Variants in LAMA5 observed in about 807,000 individuals in gnomAD.
LAMA5 encodes the protein laminin subunit alpha-5.
In LAMA5, 260 loss-of-function variants were observed where a neutral mutation model predicts 433.4. That is an observed-to-expected ratio of 0.60 (90% CI 0.54 to 0.66). LAMA5 has a LOEUF of 0.66. Among genes scored for constraint, LAMA5 ranks in the 30% least tolerant of loss-of-function variants. The pLI is 0.00. For missense variants in LAMA5, 5,378 were observed against 5,258.5 expected (o/e 1.02, Z -0.70); for synonymous variants, 2,620 against 2,226.6 (o/e 1.18, Z -4.97).
chr20:62,323,329 G>A (rs1978659404), intron 45 of LAMA5, 127 bp downstream of exon 45: 1 of 789,890 alleles, frequency 1.3e-6, no homozygotes, highest in South Asian at 1.9e-5. Flanking sequence ...CCAGAAGGCT[G>A]GCTCCGACTT....
chr20:62,344,568 C>T (rs1448315174), intron 11 of LAMA5, among the ~76,000 whole-genome samples: 2 of 152,010 alleles, frequency 1.3e-5, no homozygotes, highest in Non-Finnish European at 2.9e-5. Flanking sequence ...CCTGCCTCAG[C>T]CCCCCAAGTA....
rs373765958 is a variant in LAMA5 at position 62,351,936 on chromosome 20, C to T, written c.831G>A (p.Ala277=). 64 of 1,610,036 alleles carry T rather than the reference C, an allele frequency of 4.0e-5. No individual in the cohort carries two copies. The highest frequency in any genetic ancestry group is 4.9e-5 in the Non-Finnish European group (58 of 1,178,900). Residue 277 remains alanine (A), a synonymous_variant, in exon 5 of 80, where the codon GCG becomes GCA. Coordinates refer to ENST00000252999, the MANE Select transcript of LAMA5 (RefSeq NM_005560.6). ...NTLLGHLMGK[A]LRDPTVTRRY... is the part of the protein sequence containing the mutation. Reference sequence around the variant, plus strand: ...GGCGGGTGACCGTGGGGTCCCGCAGCGCCTTCCCCATGAGATGGCCCAGCA... The same window carrying T: ...GGCGGGTGACCGTGGGGTCCCGCAGTGCCTTCCCCATGAGATGGCCCAGCA...
intron 9 of LAMA5, 31 bp from the exon 10 acceptor site, chr20:62,346,246 G>C: frequency 1.3e-6 from 2 of 1,597,816 alleles, no homozygotes; most frequent in Non-Finnish European, 1.7e-6. Flanking sequence ...GGTAAGCCTG[G>C]AGCTACCAGG....
chr20:62,347,975 A>G (rs568369209), intron 6 of LAMA5, among the ~76,000 whole-genome samples: 17 of 152,376 alleles, frequency 1.1e-4, no homozygotes, highest in African/African-American at 3.6e-4. Context: ...ACTGCCCGTC[A>G]GCACAGGTGA....
intron 2 of LAMA5, among the ~76,000 whole-genome samples, chr20:62,358,703 C>T (rs968685895): frequency 1.3e-5 from 2 of 152,190 alleles, no homozygotes; most frequent in African/African-American, 4.8e-5. Flanking sequence ...GCCAACCCCA[C>T]AGTCCTCCAG....
At chr20:62,366,343 C>T (rs1029049384) in intron 1 of LAMA5, among the ~76,000 whole-genome samples, 1 of 152,194 alleles carries the variant, frequency 6.6e-6, no homozygotes, top group African/African-American at 2.4e-5. Flanking sequence ...CCCACATCTC[C>T]CAGGGAGACT....
chr20:62,315,243 G>A, intron 58 of LAMA5, 36 bp from the exon 59 acceptor site: 1 of 1,550,908 alleles, frequency 6.4e-7, no homozygotes, highest in Non-Finnish European at 8.7e-7. Context: ...GCAGGGGCCA[G>A]CGGGGACCAT....
In LAMA5 at chr20:62,330,066, C is replaced by T. The variant is rs141827152; in HGVS notation, c.3980-150G>A. The stretch of plus-strand genomic sequence containing the variant: ...GACGTGCCCAAGAGGTCTGCAAGGC[C>T]GGCCCCTCATGTCACGGGGGTTGGC... On this transcript the variant is annotated intron_variant, in intron 31 of 79. Coordinates refer to ENST00000252999, the MANE Select transcript of LAMA5 (RefSeq NM_005560.6). 5.6e-3 allele frequency: 6,542 copies of T among 1,173,814 alleles called. 62 individuals carry two copies. The highest frequency in any genetic ancestry group is 0.03 in the Middle Eastern group (101 of 3,392). The allele number at this position is 1,173,814 out of a possible 1,614,324, so 72.7% of individuals were successfully genotyped here.
chr20:62,315,032 G>A lies in LAMA5; in HGVS notation c.8043C>T (p.His2681=), dbSNP rs1034528715. Residue 2681 remains histidine (H), a synonymous_variant, in exon 59 of 80, where the codon CAC becomes CAT. Coordinates refer to ENST00000252999, the MANE Select transcript of LAMA5 (RefSeq NM_005560.6). ...CCGCGAGGGCCATGGGCGCACCTGAGTGGCCTGCGTCAAGCACTGCCTGGC... is the reference window on the plus strand; with the variant it reads ...CCGCGAGGGCCATGGGCGCACCTGAATGGCCTGCGTCAAGCACTGCCTGGC... ...DLGQAVLDAG[H]SVSTLEKTLP... is the part of the protein sequence containing the mutation. 2 of 1,591,104 alleles carry A rather than the reference G, an allele frequency of 1.3e-6. No individual in the cohort carries two copies. The highest frequency in any genetic ancestry group is 1.7e-6 in the Non-Finnish European group (2 of 1,174,670).
intron 18 of LAMA5, among the ~76,000 whole-genome samples, 200 bp from the exon 19 acceptor site, chr20:62,335,469 A>T (rs1981402308): frequency 7.4e-6 from 1 of 134,394 alleles, no homozygotes; most frequent in Non-Finnish European, 1.6e-5. Flanking sequence ...ATACCCCAAC[A>T]CTCCCTCCAG....
chr20:62,310,280 G>A lies in LAMA5; in HGVS notation c.10632C>T (p.Gly3544=). The A allele has an allele frequency of 6.2e-7, 1 of 1,610,754 alleles. No homozygotes were observed. Among genetic ancestry groups the A allele is most frequent in the Non-Finnish European group, 8.5e-7 (1 of 1,178,736 alleles). The change falls in exon 77 of 80, where the codon GGC becomes GGT. Residue 3544 remains glycine (G), a synonymous_variant. Transcript: ENST00000252999. ...CCAGGGGCCGCACCTCCAGTTCCAG[G>A]CCCACATCAGGCAGTGTAGCTCCTG... ...DLPGATLPDV[G]LELEVRPLAV...
chr20:62,325,657 G>A (rs1465572959), intron 40 of LAMA5, 111 bp from the exon 41 acceptor site: 4 of 668,612 alleles, frequency 6.0e-6, no homozygotes, highest in African/African-American at 3.6e-5. Context: ...AAGACCATGG[G>A]GCAGGAGGAG....
intron 53 of LAMA5, 134 bp downstream of exon 53, chr20:62,318,317 AGGG>A: frequency 3.2e-6 from 1 of 308,110 alleles, no homozygotes. Flanking sequence ...GAAGAGGAGG[AGGG>A]GGGGAGGACG....
At position 62,327,138 on chromosome 20, in the gene LAMA5, C is replaced by T. The variant is rs529427081; in HGVS notation, c.5112+95G>A. 1.3e-5 allele frequency: 16 copies of T among 1,277,652 alleles called. No homozygotes were observed. The Admixed American group carries it at 3.7e-4, about 30-fold the overall frequency. 79.1% of individuals were successfully genotyped at this position (1,277,652 alleles called of 1,614,324 possible). ...ACCCTCACGGACCCCCATGGAGCTC[C>T]CCCTCCCTGGACAGACCCCGCTCCT... On this transcript the variant is annotated intron_variant, in intron 38 of 79. Transcript: ENST00000252999.
At chr20:62,317,595 TGCCCACGG>T in intron 54 of LAMA5, 59 bp downstream of exon 54, 1 of 1,517,484 alleles carries the variant, frequency 6.6e-7, no homozygotes, top group Non-Finnish European at 8.9e-7. Context: ...CACACAAAGC[TGCCCACGG>T]GCCTGGGAGG....
chr20:62,367,261 C>T lies in LAMA5; in HGVS notation c.-16G>A. 8.6e-7 allele frequency: 1 copy of T among 1,161,026 alleles called. No homozygotes were observed. Among genetic ancestry groups the T allele is most frequent in the South Asian group, 4.0e-5 (1 of 25,132 alleles). The allele number at this position is 1,161,026 out of a possible 1,614,324, so 71.9% of individuals were successfully genotyped here. ...GCTTCGCCATCTTCCCGGCTCCGGG[C>T]CGCGTCCCCGAGCTCCAGGGACAGC... On this transcript the variant is annotated 5_prime_UTR_variant, in exon 1 of 80. Coordinates refer to ENST00000252999, the MANE Select transcript of LAMA5 (RefSeq NM_005560.6).
At chr20:62,336,671 C>T (rs1350875672) in intron 17 of LAMA5, 63 bp downstream of exon 17, 9 of 1,577,780 alleles carry the variant, frequency 5.7e-6, no homozygotes, top group Middle Eastern at 1.7e-4. Context: ...TCACCGGACT[C>T]GGGACTTTTA....
chr20:62,337,812 C>A lies in LAMA5; in HGVS notation c.2018G>T (p.Ser673Ile). Reference sequence around the variant, plus strand: ...CCTCCCTAGGCACTCACGGACACAGCTGGGGAAGCCGTGAAAGCCGGGGCT... The same window carrying A: ...CCTCCCTAGGCACTCACGGACACAGATGGGGAAGCCGTGAAAGCCGGGGCT... ...ECSPGFHGFP[S>I]CVPCHCSAEG... is the part of the protein sequence containing the mutation. The change falls in exon 15 of 80, where the codon AGC (serine) becomes ATC (isoleucine). Residue 673 changes from serine (S) to isoleucine (I), a missense_variant. Physicochemically the swap from Ser to Ile is moderately radical, Grantham distance 142. Transcript: ENST00000252999. The A allele has an allele frequency of 6.2e-7, 1 of 1,612,580 alleles. No individual in the cohort carries two copies. Among genetic ancestry groups the A allele is most frequent in the South Asian group, 1.1e-5 (1 of 91,056 alleles).
chr20:62,330,651 G>A (rs767761665), intron 30 of LAMA5, 37 bp from the exon 31 acceptor site: 4 of 1,573,292 alleles, frequency 2.5e-6, no homozygotes, highest in Non-Finnish European at 3.4e-6. Context: ...GCTGAGCTAT[G>A]AGCCCCTGCT....
Sources: gnomAD v4.1 joint callset for allele counts (sites outside exome capture counted in the v4.1 genomes callset) on GRCh38, gnomAD v4.1.1 for gene constraint, MANE v1.5 for transcripts, NCBI Gene and HGNC (gene_info 2026-07-23, HGNC 2026-07-21) for gene names.